Variants in HEATR5A observed in about 807,000 individuals in gnomAD.
HEATR5A encodes HEAT repeat-containing protein 5A.
In HEATR5A, 178 loss-of-function variants were observed where a neutral mutation model predicts 218.8. That is an observed-to-expected ratio of 0.81 (90% CI 0.72 to 0.92). The LOEUF (loss-of-function observed/expected upper bound fraction) is 0.92, where lower values mean the gene tolerates loss of function less well. HEATR5A is among the 40% of genes least tolerant of loss of function. The probability of loss-of-function intolerance (pLI) is 0.00; values close to 1 mark genes in which losing one functional copy is unlikely to be tolerated. For synonymous variants in HEATR5A, 864 were observed against 871.6 expected, an observed-to-expected ratio of 0.99 and a Z score of 0.15; for missense variants, 2,420 against 2,418.9, an observed-to-expected ratio of 1.00 and a Z score of -0.01.
At chr14:31,310,590 A>G (rs1459027850) in intron 28 of HEATR5A, among the ~76,000 whole-genome samples, 1 of 152,168 alleles carries the variant, frequency 6.6e-6, no homozygotes, top group Non-Finnish European at 1.5e-5. Flanking sequence ...CAGTGAGCCG[A>G]GATCAAGCCA....
At chr14:31,369,619 A>T (rs1027213807) in intron 13 of HEATR5A, among the ~76,000 whole-genome samples, 2 of 148,506 alleles carry the variant, frequency 1.3e-5, no homozygotes, top group Non-Finnish European at 3.0e-5. Flanking sequence ...AAAAAAAAAA[A>T]AAAAAAAAAA....
chr14:31,398,464 A>G (rs1194217014), intron 4 of HEATR5A, among the ~76,000 whole-genome samples: 2 of 152,230 alleles, frequency 1.3e-5, no homozygotes, highest in African/African-American at 2.4e-5. Flanking sequence ...ATATGAATAC[A>G]TGAAATTCTA....
chr14:31,323,233 T>A (rs952240771), intron 24 of HEATR5A, among the ~76,000 whole-genome samples: 1 of 152,208 alleles, frequency 6.6e-6, no homozygotes, highest in Non-Finnish European at 1.5e-5. Flanking sequence ...TGAACACGGC[T>A]CACTGCAAGC....
At position 31,349,914 on chromosome 14, in the gene HEATR5A, A is replaced by G. The variant is rs373441235; in HGVS notation, c.2583T>C (p.Val861=). The part of the protein sequence containing the change: ...EEMKRFALTL[V]MGALESPNPL... Reference sequence around the variant, plus strand: ...GGTTGGGGCTTTCTAGGGCTCCCATAACTAATGTTAAGGCAAATCTTTTCA... The same window carrying G: ...GGTTGGGGCTTTCTAGGGCTCCCATGACTAATGTTAAGGCAAATCTTTTCA... Residue 861 remains valine, a synonymous_variant, in exon 18 of 36, where the codon GTT becomes GTC. Coordinates refer to ENST00000543095, the MANE Select transcript of HEATR5A (RefSeq NM_015473.4). The G allele has an allele frequency of 1.4e-5, 23 of 1,610,966 alleles. No individual in the cohort carries two copies. The highest frequency in any genetic ancestry group is 2.0e-5 in the Non-Finnish European group (23 of 1,178,520).
At chr14:31,403,258 A>G (rs937140270) in intron 1 of HEATR5A, among the ~76,000 whole-genome samples, 1 of 152,186 alleles carries the variant, frequency 6.6e-6, no homozygotes, top group African/African-American at 2.4e-5. Context: ...GCAAAAATAG[A>G]GTAGCAATAT....
At chr14:31,337,737 T>C (rs4595710) in intron 21 of HEATR5A, 123 bp from the exon 22 acceptor site, 611,748 of 682,674 alleles carry the variant, frequency 0.9, 276,412 homozygotes, top group Non-Finnish European at 0.93. Flanking sequence ...GGACACAATT[T>C]ATAAATACAT....
intron 12 of HEATR5A, 30 bp from the exon 13 acceptor site, chr14:31,371,939 C>A (rs1902050850): frequency 8.8e-7 from 1 of 1,141,736 alleles, no homozygotes; most frequent in African/African-American, 1.6e-5. Context: ...TTTACTTGGG[C>A]ATACTGTAAT....
At chr14:31,364,365 C>T (rs913661791) in intron 13 of HEATR5A, 67 bp from the exon 14 acceptor site, 5 of 696,814 alleles carry the variant, frequency 7.2e-6, no homozygotes, top group Non-Finnish European at 1.2e-5. Context: ...AAATTGACAG[C>T]TTAATATCTT....
At chr14:31,395,378 A>G in intron 4 of HEATR5A, 30 bp from the exon 5 acceptor site, 1 of 1,274,246 alleles carries the variant, frequency 7.8e-7, no homozygotes, top group Non-Finnish European at 1.1e-6. Context: ...TTAAATAGGA[A>G]AAATAATTAA....
chr14:31,354,146 A>G (rs1305469494), intron 16 of HEATR5A, among the ~76,000 whole-genome samples: 1 of 151,894 alleles, frequency 6.6e-6, no homozygotes, highest in Non-Finnish European at 1.5e-5. Context: ...AGCAACCTAC[A>G]GGAAGATTAC....
At chr14:31,349,474 C>A (rs1332705064) in intron 18 of HEATR5A, among the ~76,000 whole-genome samples, 5 of 152,018 alleles carry the variant, frequency 3.3e-5, no homozygotes, top group Non-Finnish European at 5.9e-5. Flanking sequence ...TATTACTTAT[C>A]ATATATGTTT....
chr14:31,349,349 A>C (rs1901132373), intron 18 of HEATR5A, among the ~76,000 whole-genome samples: 1 of 151,692 alleles, frequency 6.6e-6, no homozygotes, highest in Non-Finnish European at 1.5e-5. Context: ...GCGCCACTGC[A>C]CTCCAGCCTG....
chr14:31,316,537 T>C (rs73257371), intron 26 of HEATR5A, among the ~76,000 whole-genome samples: 1,795 of 152,300 alleles, frequency 0.012, 34 homozygotes, highest in African/African-American at 0.041. Context: ...TTTCTAGATG[T>C]ATTAATATGG....
chr14:31,333,201 C>T (rs968992802), intron 22 of HEATR5A, among the ~76,000 whole-genome samples: 4 of 152,086 alleles, frequency 2.6e-5, no homozygotes, highest in Non-Finnish European at 4.4e-5. Context: ...ATAGAAGCTT[C>T]ATCAAGTTAG....
intron 13 of HEATR5A, among the ~76,000 whole-genome samples, chr14:31,366,824 G>A (rs568361754): frequency 1.3e-5 from 2 of 152,280 alleles, no homozygotes; most frequent in South Asian, 2.1e-4. Context: ...ACAAGGATCT[G>A]AGACTAGGCT....
intron 22 of HEATR5A, among the ~76,000 whole-genome samples, chr14:31,329,512 T>G (rs1900391130): frequency 6.6e-6 from 1 of 152,192 alleles, no homozygotes; most frequent in South Asian, 2.1e-4. Context: ...AGTGATCTCC[T>G]TTGATTCCAT....
chr14:31,318,433 C>T (rs377207409), intron 25 of HEATR5A, 141 bp from the exon 26 acceptor site: 18 of 645,710 alleles, frequency 2.8e-5, no homozygotes, highest in African/African-American at 2.6e-4. Context: ...GTGTATCTTC[C>T]CCTGTTTTTA....
intron 22 of HEATR5A, among the ~76,000 whole-genome samples, chr14:31,332,187 ATGATGATCTG>A: frequency 3.9e-5 from 6 of 152,236 alleles, no homozygotes. Flanking sequence ...AATATCTGTT[ATGATGATCTG>A]TGATCAGTGA....
chr14:31,332,744 G>C (rs962657435), intron 22 of HEATR5A, among the ~76,000 whole-genome samples: 1 of 152,156 alleles, frequency 6.6e-6, no homozygotes, highest in Non-Finnish European at 1.5e-5. Context: ...CCAGCACTTT[G>C]AGAGACCGAG....
Sources: gnomAD v4.1 joint callset for allele counts (sites outside exome capture counted in the v4.1 genomes callset) on GRCh38, gnomAD v4.1.1 for gene constraint, MANE v1.5 for transcripts, NCBI Gene and HGNC (gene_info 2026-07-23, HGNC 2026-07-21) for gene names.